The following ARHGEF26 variants were observed in gnomAD, a reference collection of about 807,000 sequenced individuals.
The protein encoded by ARHGEF26 is Rho guanine nucleotide exchange factor 26, also known as Rho guanine nucleotide exchange factor (GEF) 26.
Under a neutral mutation model 89.4 loss-of-function variants are expected in ARHGEF26, and 59 were observed. The ratio of observed to expected loss-of-function variants is 0.66; its 90% CI spans 0.54 to 0.82. The LOEUF is 0.82. ARHGEF26 is among the 40% of genes least tolerant of loss of function. The pLI, the probability that ARHGEF26 is intolerant of heterozygous loss-of-function variation, is 0.00. For synonymous variants in ARHGEF26, 500 were observed against 428.4 expected (o/e 1.17, Z -2.06); for missense variants, 1,234 against 1,085.6 (o/e 1.14, Z -1.92).
intron 6 of ARHGEF26, among the ~76,000 whole-genome samples, chr3:154,176,181 C>A: frequency 6.6e-6 from 1 of 152,252 alleles, no homozygotes; most frequent in Middle Eastern, 3.4e-3. Context: ...TGCAGCCTTC[C>A]CCTGAGTAAA....
chr3:154,165,476 T>A (rs982260781), intron 6 of ARHGEF26, among the ~76,000 whole-genome samples: 1 of 152,196 alleles, frequency 6.6e-6, no homozygotes, highest in Non-Finnish European at 1.5e-5. Flanking sequence ...CTGCATGCTG[T>A]TGAATAAAGC....
chr3:154,153,164 T>C (rs1720127636), intron 6 of ARHGEF26, among the ~76,000 whole-genome samples: 1 of 152,130 alleles, frequency 6.6e-6, no homozygotes, highest in Non-Finnish European at 1.5e-5. Context: ...TATTCCTCTT[T>C]CCCCACTTTG....
intron 11 of ARHGEF26, among the ~76,000 whole-genome samples, chr3:154,230,369 GTC>G (rs1716759874): frequency 6.6e-6 from 1 of 152,176 alleles, no homozygotes; most frequent in African/African-American, 2.4e-5. Flanking sequence ...TCTAATCTGA[GTC>G]TTTGTTTCCA....
chr3:154,187,204 T>C, intron 6 of ARHGEF26: 2 of 984,808 alleles, frequency 2.0e-6, no homozygotes, highest in Middle Eastern at 5.2e-4. Flanking sequence ...CAGACTTATT[T>C]TTTAAGCATT....
chr3:154,124,372 C>CTTTTTTTTTTTTTTTTTTTAT, intron 2 of ARHGEF26, 38 bp from the exon 3 acceptor site: 1 of 1,007,768 alleles, frequency 9.9e-7, no homozygotes, highest in Non-Finnish European at 1.3e-6. Flanking sequence ...TTTGCTTTTC[C>CTTTTTTTTTTTTTTTTTTTAT]TTTTTTTTTT....
chr3:154,214,635 TAG>T (rs1330007671), intron 9 of ARHGEF26, among the ~76,000 whole-genome samples: 1 of 152,122 alleles, frequency 6.6e-6, no homozygotes, highest in Non-Finnish European at 1.5e-5. Flanking sequence ...AGGTGCCGTG[TAG>T]ATAGTTGGAT....
intron 12 of ARHGEF26, among the ~76,000 whole-genome samples, chr3:154,241,674 TG>T (rs1433716385): frequency 6.6e-6 from 1 of 152,144 alleles, no homozygotes; most frequent in East Asian, 1.9e-4. Flanking sequence ...CAACACAGCA[TG>T]GGCAAGTGGG....
chr3:154,222,646 A>G (rs1458055909), intron 10 of ARHGEF26, among the ~76,000 whole-genome samples: 3 of 152,240 alleles, frequency 2.0e-5, no homozygotes, highest in Non-Finnish European at 4.4e-5. Flanking sequence ...GAGTAGTTAA[A>G]TAGATGTGGG....
intron 12 of ARHGEF26, among the ~76,000 whole-genome samples, chr3:154,244,617 T>A (rs557332131): frequency 1.5e-4 from 23 of 152,254 alleles, no homozygotes; most frequent in African/African-American, 4.8e-4. Flanking sequence ...GGTCCTCGTT[T>A]ATACAATGAA....
intron 13 of ARHGEF26, among the ~76,000 whole-genome samples, chr3:154,253,981 T>G (rs1286171373): frequency 6.6e-6 from 1 of 152,188 alleles, no homozygotes; most frequent in African/African-American, 2.4e-5. Context: ...TCTGGTGCTA[T>G]CTCAGCTCAC....
At chr3:154,250,911 T>C (rs1012214897) in intron 12 of ARHGEF26, among the ~76,000 whole-genome samples, 4 of 152,222 alleles carry the variant, frequency 2.6e-5, no homozygotes, top group African/African-American at 9.6e-5. Context: ...TACATGAAGT[T>C]GTGCTTTGCT....
intron 8 of ARHGEF26, among the ~76,000 whole-genome samples, chr3:154,192,601 A>AT (rs994915011): frequency 1.9e-4 from 29 of 151,280 alleles, no homozygotes; most frequent in Middle Eastern, 3.4e-3. Context: ...TCACTTTCTG[A>AT]TTTTTTTTTG....
rs959517269 is a variant in ARHGEF26, at chr3:154,122,275, G to A, written c.283G>A (p.Gly95Arg). 38 of 1,612,346 alleles carry A rather than the reference G, an allele frequency of 2.4e-5. No individual in the cohort carries two copies. Among genetic ancestry groups the A allele is most frequent in the Non-Finnish European group, 2.9e-5 (34 of 1,179,716 alleles). Residue 95 changes from glycine to arginine, a missense_variant, in exon 2 of 15, where the codon GGG becomes AGG. Coordinates refer to ENST00000465093, the MANE Select transcript of ARHGEF26 (RefSeq NM_015595.4). ...CCAGCGGAGAGCGGTGGCCAATGGT[G>A]GGACGGCATCCCCGGAGTACAGGGC... is the stretch of plus-strand genomic sequence containing the variant. Reference protein sequence around the residue: ...GAQRRAVANGGTASPEYRAAS... With the variant: ...GAQRRAVANGRTASPEYRAAS...
At chr3:154,227,158 A>G (rs1302775686) in intron 11 of ARHGEF26, among the ~76,000 whole-genome samples, 1 of 152,218 alleles carries the variant, frequency 6.6e-6, no homozygotes, top group Non-Finnish European at 1.5e-5. Context: ...AGAAGCCATA[A>G]TGTGACAATG....
intron 9 of ARHGEF26, 117 bp downstream of exon 9, chr3:154,194,835 C>A: frequency 3.6e-6 from 3 of 831,950 alleles, no homozygotes; most frequent in Non-Finnish European, 5.8e-6. Flanking sequence ...ATTTGTACAG[C>A]GTTCTTTAGG....
intron 6 of ARHGEF26, among the ~76,000 whole-genome samples, chr3:154,180,240 G>C (rs1253015296): frequency 6.6e-6 from 1 of 152,088 alleles, no homozygotes; most frequent in Non-Finnish European, 1.5e-5. Context: ...TACCATGTAA[G>C]ATAACATATT....
intron 2 of ARHGEF26, 136 bp downstream of exon 2, chr3:154,123,211 G>GTA: frequency 7.5e-7 from 1 of 1,325,834 alleles, no homozygotes; most frequent in Non-Finnish European, 1.0e-6. Context: ...GATTGCTAGT[G>GTA]TACATCCAGC....
intron 5 of ARHGEF26, among the ~76,000 whole-genome samples, chr3:154,149,887 TAAATTTAAA>T (rs1183271920): frequency 6.7e-6 from 1 of 148,796 alleles, no homozygotes; most frequent in Non-Finnish European, 1.5e-5. Context: ...AAGTTTTCTA[TAAATTTAAA>T]ATTATACCAA....
In ARHGEF26 at chr3:154,122,851, G is replaced by A. The variant is rs1440383117; in HGVS notation, c.859G>A (p.Gly287Arg). The change falls in exon 2 of 15, where the codon GGA becomes AGA. Residue 287 changes from glycine (G) to arginine (R), a missense_variant. Gly to Arg is a moderately radical substitution (Grantham distance 125). Transcript: ENST00000465093. Reference protein sequence around the residue: ...KVRSMVEGLGGPLGHAGEESE... With the variant: ...KVRSMVEGLGRPLGHAGEESE... ...GCGCAGCATGGTGGAGGGCCTAGGA[G>A]GACCCCTGGGTCACGCAGGGGAGGA... is the stretch of plus-strand genomic sequence containing the variant. The A allele has an allele frequency of 6.2e-7, 1 of 1,612,954 alleles. No homozygotes were observed. The highest frequency in any genetic ancestry group is 8.5e-7 in the Non-Finnish European group (1 of 1,179,472).
Sources: allele counts gnomAD v4.1 joint callset (sites outside exome capture counted in the v4.1 genomes callset), GRCh38; gene constraint gnomAD v4.1.1; transcripts MANE v1.5; gene names NCBI Gene and HGNC (gene_info 2026-07-23, HGNC 2026-07-21).